Variants in SAMD5 observed in about 807,000 individuals in gnomAD.
The protein encoded by SAMD5 is sterile alpha motif domain-containing protein 5.
In SAMD5, 13 loss-of-function variants were observed where a neutral mutation model predicts 11.3. That is an observed-to-expected ratio of 1.15 (90% CI 0.75 to 1.83). The LOEUF is 1.83. SAMD5 is among the 40% of genes most tolerant of loss of function. The pLI is 0.00. For missense variants in SAMD5, 255 were observed against 239.1 expected, an observed-to-expected ratio of 1.07 and a Z score of -0.44; for synonymous variants, 129 against 111.3, an observed-to-expected ratio of 1.16 and a Z score of -1.00.
intron 1 of SAMD5, among the ~76,000 whole-genome samples, chr6:147,680,329 C>G (rs925722736): frequency 6.6e-6 from 1 of 151,988 alleles, no homozygotes; most frequent in Non-Finnish European, 1.5e-5. Context: ...AATGTTCATA[C>G]TTGATAGCAT....
chr6:147,764,772 G>A, the SAMD5 span, among the ~76,000 whole-genome samples: 104 of 152,198 alleles, frequency 6.8e-4, no homozygotes, highest in Non-Finnish European at 1.2e-3. Context: ...GCTCTATTTC[G>A]TCACATGGCC....
intron 1 of SAMD5, among the ~76,000 whole-genome samples, chr6:147,690,098 A>G (rs533039673): frequency 1.3e-5 from 2 of 152,310 alleles, no homozygotes; most frequent in South Asian, 4.1e-4. Context: ...GTTGTTGGAG[A>G]CATGTTATAA....
the SAMD5 span, among the ~76,000 whole-genome samples, chr6:147,836,250 G>C: frequency 2.0e-5 from 3 of 152,128 alleles, no homozygotes; most frequent in South Asian, 6.2e-4. Context: ...GATTCAGAAA[G>C]ATTACTCTTC....
the SAMD5 span, among the ~76,000 whole-genome samples, chr6:147,781,625 C>G: frequency 6.6e-6 from 1 of 152,034 alleles, no homozygotes; most frequent in African/African-American, 2.4e-5. Context: ...TGCTCAGAGC[C>G]TCAGTTTCTT....
At chr6:147,939,207 C>T in the SAMD5 span, among the ~76,000 whole-genome samples, 1 of 152,184 alleles carries the variant, frequency 6.6e-6, no homozygotes, top group African/African-American at 2.4e-5. Context: ...GCTCTCTGAG[C>T]CCCTACCCAT....
At chr6:147,807,045 T>C in the SAMD5 span, among the ~76,000 whole-genome samples, 45 of 152,252 alleles carry the variant, frequency 3.0e-4, no homozygotes, top group Non-Finnish European at 4.4e-4. Context: ...TTGTACTTCA[T>C]AGCCTCCAGA....
chr6:147,909,571 T>C, the SAMD5 span, among the ~76,000 whole-genome samples: 3 of 53,406 alleles, frequency 5.6e-5, no homozygotes, highest in African/African-American at 2.5e-4. Flanking sequence ...TTTCTTTCTT[T>C]CTTTCTTTCT....
chr6:147,922,611 C>T, the SAMD5 span, among the ~76,000 whole-genome samples: 1 of 152,128 alleles, frequency 6.6e-6, no homozygotes, highest in Non-Finnish European at 1.5e-5. Flanking sequence ...GTGGCATTCC[C>T]CAATCAGTTC....
the SAMD5 span, among the ~76,000 whole-genome samples, chr6:147,857,978 CCT>C: frequency 6.7e-6 from 1 of 148,160 alleles, no homozygotes; most frequent in South Asian, 2.1e-4. Context: ...TGCCTCATCC[CCT>C]GTCAGAATAT....
At chr6:147,574,108 A>G (rs368600001), downstream of SAMD5, among the ~76,000 whole-genome samples, 2 of 151,050 alleles carry the variant, frequency 1.3e-5, no homozygotes, top group Admixed American at 1.3e-4. Context: ...AGCCTGGGCG[A>G]TAGAGCGAGA....
the SAMD5 span, among the ~76,000 whole-genome samples, chr6:147,940,853 T>C: frequency 2.6e-5 from 4 of 152,246 alleles, no homozygotes; most frequent in Non-Finnish European, 4.4e-5. Context: ...TCCCAGCTAC[T>C]TGGGAGGCTG....
chr6:147,938,365 A>G, the SAMD5 span, among the ~76,000 whole-genome samples: 23 of 152,360 alleles, frequency 1.5e-4, no homozygotes, highest in African/African-American at 5.3e-4. Flanking sequence ...TATTCAACTG[A>G]TATTTAGTGA....
Position 147,509,347 on chromosome 6 carries a change from G to C in SAMD5, c.419G>C (p.Arg140Pro). The C allele has an allele frequency of 5.1e-6, 8 of 1,577,676 alleles. No homozygotes were observed. The highest frequency in any genetic ancestry group is 6.9e-6 in the Non-Finnish European group (8 of 1,163,712). The change falls in exon 1 of 2, where the codon CGT becomes CCT. Residue 140 changes from arginine (R) to proline (P), a missense_variant. Physicochemically the swap from Arg to Pro is moderately radical, Grantham distance 103. Coordinates refer to ENST00000367474, the MANE Select transcript of SAMD5 (RefSeq NM_001030060.3). ...LKIMIRDKLV[R>P]DGIHLSKPPY... ...ATCATGATCAGGGATAAGCTCGTCC[G>C]TGACGGCATCCACCTGAGCAAGCCC...
chr6:147,621,589 C>T (rs576810717), intron 1 of SAMD5, among the ~76,000 whole-genome samples: 4 of 152,266 alleles, frequency 2.6e-5, no homozygotes, highest in South Asian at 2.1e-4. Context: ...CATTTTTCTT[C>T]GCTAGTGATG....
chr6:147,702,090 T>C (rs1791261339), intron 1 of SAMD5, among the ~76,000 whole-genome samples: 2 of 152,176 alleles, frequency 1.3e-5, no homozygotes, highest in Admixed American at 6.5e-5. Flanking sequence ...TGAGGAAGCC[T>C]CACCATCATG....
intron 1 of SAMD5, among the ~76,000 whole-genome samples, chr6:147,539,076 T>C (rs947593145): frequency 6.6e-6 from 1 of 152,184 alleles, no homozygotes; most frequent in Admixed American, 6.5e-5. Context: ...TAGGAAAGCA[T>C]GCATTTCTAG....
intron 1 of SAMD5, among the ~76,000 whole-genome samples, chr6:147,643,795 AAG>A (rs1554239610): frequency 3.4e-5 from 5 of 147,000 alleles, no homozygotes; most frequent in African/African-American, 1.3e-4. Context: ...GAAGGAAGGA[AAG>A]AGAGAGAGAG....
chr6:147,565,679 T>C lies in SAMD5; in HGVS notation c.*1223T>C. The C allele has an allele frequency of 2.7e-6, 2 of 742,522 alleles. No individual in the cohort carries two copies. Among genetic ancestry groups the C allele is most frequent in the Non-Finnish European group, 3.3e-6 (2 of 608,572 alleles). 46.0% of individuals were successfully genotyped at this position (742,522 alleles called of 1,614,324 possible). ...TTTACCATGTTGGCCAGGCTGTTCT[T>C]GAACTCCTGGCCTCAAATGATCCAC... On this transcript the variant is annotated 3_prime_UTR_variant, in exon 2 of 2. Transcript: ENST00000367474.
At chr6:147,666,238 T>G (rs1790718644) in intron 1 of SAMD5, among the ~76,000 whole-genome samples, 1 of 152,058 alleles carries the variant, frequency 6.6e-6, no homozygotes, top group Non-Finnish European at 1.5e-5. Context: ...CACCCGGCCG[T>G]TTTTTAAAAT....
Sources: gnomAD v4.1 joint callset for allele counts (sites outside exome capture counted in the v4.1 genomes callset) on GRCh38, gnomAD v4.1.1 for gene constraint, MANE v1.5 for transcripts, NCBI Gene and HGNC (gene_info 2026-07-23, HGNC 2026-07-21) for gene names.